GPBP1L1: variants seen among roughly 807,000 people sequenced by gnomAD.
GPBP1L1 encodes vasculin-like protein 1.
Under a neutral mutation model 52.5 loss-of-function variants are expected in GPBP1L1, and 23 were observed. That is an observed-to-expected ratio of 0.44 (90% CI 0.32 to 0.62). The LOEUF is 0.62. Ranked by LOEUF, GPBP1L1 falls within the 20% of genes least tolerant of loss-of-function variation. The pLI, the probability that GPBP1L1 is intolerant of heterozygous loss-of-function variation, is 0.06. For missense variants in GPBP1L1, 596 were observed against 579.3 expected (o/e 1.03, Z -0.30); for synonymous variants, 243 against 203.1 (o/e 1.20, Z -1.67).
At chr1:45,681,323 C>T (rs1350444578) in intron 2 of GPBP1L1, among the ~76,000 whole-genome samples, 1 of 152,172 alleles carries the variant, frequency 6.6e-6, no homozygotes, top group African/African-American at 2.4e-5. Context: ...ATCTAAGCCT[C>T]TATATCCAAC....
intron 2 of GPBP1L1, among the ~76,000 whole-genome samples, chr1:45,661,757 G>T (rs910551811): frequency 2.0e-5 from 3 of 152,058 alleles, no homozygotes; most frequent in African/African-American, 7.2e-5. Context: ...CTGGCCTGGA[G>T]TTTGCTTTTT....
chr1:45,686,871 C>T (rs1478101214), upstream of GPBP1L1: 2 of 152,594 alleles, frequency 1.3e-5, no homozygotes, highest in Non-Finnish European at 2.9e-5. Context: ...CCCTTCTAAC[C>T]CCCTTGCCCA....
chr1:45,628,031 T>TA lies in GPBP1L1; in HGVS notation c.*224dup, dbSNP rs1644479423. ...ATGTGTGTGTGTGTGTGAGTGTGTT[T>TA]AAAAAATCTGTCCCACCACACAAAC... On this transcript the variant is annotated 3_prime_UTR_variant, in exon 13 of 13. Coordinates refer to ENST00000355105, the MANE Select transcript of GPBP1L1 (RefSeq NM_021639.5). 6.0e-6 allele frequency: 3 copies of TA among 497,364 alleles called. No individual in the cohort carries two copies. Among genetic ancestry groups the TA allele is most frequent in the Non-Finnish European group, 1.1e-5 (3 of 274,242 alleles). 30.8% of individuals were successfully genotyped at this position (497,364 alleles called of 1,614,324 possible).
chr1:45,645,017 G>A (rs1023865039), intron 6 of GPBP1L1, among the ~76,000 whole-genome samples: 4 of 152,082 alleles, frequency 2.6e-5, no homozygotes, highest in Non-Finnish European at 5.9e-5. Flanking sequence ...AACCCTCGTC[G>A]TTATTATTAT....
intron 8 of GPBP1L1, among the ~76,000 whole-genome samples, chr1:45,637,220 T>C (rs1408882582): frequency 2.8e-4 from 42 of 152,236 alleles, no homozygotes; most frequent in Admixed American, 2.7e-3. Flanking sequence ...ACACAGTGTT[T>C]ACTACTCAGA....
rs1342474724 is a variant in GPBP1L1 at position 45,640,541 on chromosome 1, TA to T, written c.551-139del. ...GATTAAACATTCCCTGGTATGCACT[TA>T]ATAGATACTCTCAAAAGTGAGACTA... On this transcript the variant is annotated intron_variant, in intron 7 of 12. Coordinates refer to ENST00000355105, the MANE Select transcript of GPBP1L1 (RefSeq NM_021639.5). 8 of 679,678 alleles carry T rather than the reference TA, an allele frequency of 1.2e-5. No homozygotes were observed. The Admixed American group carries it at 2.1e-4, about 18-fold the overall frequency. The allele number at this position is 679,678 out of a possible 1,614,324, so 42.1% of individuals were successfully genotyped here.
intron 2 of GPBP1L1, among the ~76,000 whole-genome samples, chr1:45,671,592 G>T (rs937512990): frequency 1.3e-5 from 2 of 152,142 alleles, no homozygotes; most frequent in Non-Finnish European, 2.9e-5. Context: ...GCTGAGGTGG[G>T]AGAATTGCTT....
rs189793198 is a variant in GPBP1L1 at position 45,670,906 on chromosome 1, C to A, written c.-1097-9681G>T. Among the ~76,000 whole-genome samples the A allele has an allele frequency of 2.7e-3, 405 of 150,932 alleles. 5 individuals are homozygous for A. The highest frequency in any genetic ancestry group is 0.026 in the Admixed American group (392 of 15,090). Reference sequence around the variant, plus strand: ...CTCCCAGGTTCACGCCATTCTCCTGCCTCAGCCTCCCGAGTAGCTGGGACT... The same window carrying A: ...CTCCCAGGTTCACGCCATTCTCCTGACTCAGCCTCCCGAGTAGCTGGGACT... On this transcript the variant is annotated intron_variant, in intron 2 of 12. Transcript: ENST00000355105.
chr1:45,653,805 T>C (rs1028636934), intron 6 of GPBP1L1, among the ~76,000 whole-genome samples: 1 of 151,444 alleles, frequency 6.6e-6, no homozygotes, highest in Non-Finnish European at 1.5e-5. Flanking sequence ...TTCACGTGAT[T>C]CTCCTGCCTC....
intron 7 of GPBP1L1, among the ~76,000 whole-genome samples, chr1:45,640,651 C>T (rs920423547): frequency 2.0e-5 from 3 of 152,192 alleles, no homozygotes; most frequent in African/African-American, 7.2e-5. Context: ...AAGATGTTAG[C>T]AGTCCTTCAG....
At chr1:45,642,367 C>T (rs923255076) in intron 7 of GPBP1L1, 60 bp downstream of exon 7, 1 of 1,069,302 alleles carries the variant, frequency 9.4e-7, no homozygotes. Flanking sequence ...AATCTTTGCT[C>T]CCCTCCCTGC....
chr1:45,683,299 G>T (rs564489610), intron 2 of GPBP1L1, among the ~76,000 whole-genome samples: 1 of 135,212 alleles, frequency 7.4e-6, no homozygotes, highest in East Asian at 2.3e-4. Context: ...TCTGCCTTCC[G>T]GATTCATGCC....
At chr1:45,640,071 GA>G (rs1644651075) in intron 8 of GPBP1L1, 138 bp downstream of exon 8, 8 of 511,884 alleles carry the variant, frequency 1.6e-5, no homozygotes, top group Admixed American at 3.4e-5. Flanking sequence ...AAAAAGCAAA[GA>G]AAGCTGTATA....
intron 6 of GPBP1L1, among the ~76,000 whole-genome samples, chr1:45,644,882 G>C (rs910892234): frequency 6.6e-6 from 1 of 152,116 alleles, no homozygotes; most frequent in Admixed American, 6.5e-5. Flanking sequence ...CCATAAATAG[G>C]AACTTCCCCT....
intron 6 of GPBP1L1, among the ~76,000 whole-genome samples, chr1:45,650,776 T>C (rs1644809991): frequency 1.3e-5 from 2 of 152,160 alleles, no homozygotes; most frequent in Admixed American, 6.6e-5. Context: ...CCTCCCTTCT[T>C]TCCAATGTAT....
rs1644479423 is a variant in GPBP1L1, at chr1:45,628,031, TAAA to T, written c.*222_*224del. ...ATGTGTGTGTGTGTGTGAGTGTGTTTAAAAAATCTGTCCCACCACACAAACTTC... is the reference window on the plus strand; with the variant it reads ...ATGTGTGTGTGTGTGTGAGTGTGTTTAAATCTGTCCCACCACACAAACTTC... On this transcript the variant is annotated 3_prime_UTR_variant, in exon 13 of 13. Coordinates refer to ENST00000355105, the MANE Select transcript of GPBP1L1 (RefSeq NM_021639.5). 1 of 497,362 alleles carries T rather than the reference TAAA, an allele frequency of 2.0e-6. No homozygotes were observed. Among genetic ancestry groups the T allele is most frequent in the African/African-American group, 1.9e-5 (1 of 51,426 alleles). The allele number at this position is 497,362 out of a possible 1,614,324, so 30.8% of individuals were successfully genotyped here.
intron 8 of GPBP1L1, chr1:45,635,109 T>A: frequency 6.6e-6 from 1 of 152,232 alleles, no homozygotes; most frequent in Non-Finnish European, 1.5e-5. Context: ...ATCTACCATG[T>A]ACCAGGTGAT....
At chr1:45,662,261 GT>G (rs1251470541) in intron 2 of GPBP1L1, among the ~76,000 whole-genome samples, 6 of 152,236 alleles carry the variant, frequency 3.9e-5, no homozygotes, top group Admixed American at 1.3e-4. Flanking sequence ...AGCTTCCCGA[GT>G]AACAAAAACC....
intron 2 of GPBP1L1, among the ~76,000 whole-genome samples, chr1:45,684,298 GA>G (rs1393815824): frequency 1.3e-5 from 2 of 148,932 alleles, no homozygotes; most frequent in South Asian, 2.1e-4. Context: ...AGAAAAGAAG[GA>G]AAAAAAAGTA....
Sources: gnomAD v4.1 joint callset for allele counts (sites outside exome capture counted in the v4.1 genomes callset) on GRCh38, gnomAD v4.1.1 for gene constraint, MANE v1.5 for transcripts, NCBI Gene and HGNC (gene_info 2026-07-23, HGNC 2026-07-21) for gene names.